PNKD: variants seen among roughly 807,000 people sequenced by gnomAD.
The protein encoded by PNKD is probable thioesterase PNKD.
A neutral mutation model predicts 45.3 loss-of-function variants in PNKD; 36 were observed. That is an observed-to-expected ratio of 0.80 (90% CI 0.61 to 1.05). The LOEUF (loss-of-function observed/expected upper bound fraction) is 1.05. Ranked by LOEUF, PNKD falls within the 50% of genes least tolerant of loss-of-function variation. The probability of loss-of-function intolerance (pLI) is 0.00; values close to 1 mark genes in which losing one functional copy is unlikely to be tolerated. For missense variants in PNKD, 511 were observed against 506.6 expected (o/e 1.01, Z -0.08); for synonymous variants, 197 against 210.1 (o/e 0.94, Z 0.54).
intron 2 of PNKD, among the ~76,000 whole-genome samples, chr2:218,296,205 T>A (rs909271313): frequency 6.6e-6 from 1 of 152,206 alleles, no homozygotes; most frequent in African/African-American, 2.4e-5. Context: ...TTGGAAATAC[T>A]TGTACTAAAA....
intron 2 of PNKD, among the ~76,000 whole-genome samples, chr2:218,319,771 G>C (rs2106271364): frequency 6.6e-6 from 1 of 152,366 alleles, no homozygotes; most frequent in East Asian, 1.9e-4. Context: ...CATCAAAAAT[G>C]TCCCCAGACA....
chr2:218,279,757 G>A (rs1399218990), intron 2 of PNKD, among the ~76,000 whole-genome samples: 1 of 152,206 alleles, frequency 6.6e-6, no homozygotes, highest in Non-Finnish European at 1.5e-5. Context: ...GTCTGGGGAA[G>A]GCGGGCGCTG....
chr2:218,272,600 C>T, intron 2 of PNKD: 2 of 1,614,200 alleles, frequency 1.2e-6, no homozygotes, highest in Non-Finnish European at 1.7e-6. Context: ...GTATCCTCCT[C>T]TTCATCCTCA....
chr2:218,306,653 G>A (rs578218763), intron 2 of PNKD, among the ~76,000 whole-genome samples: 1 of 152,266 alleles, frequency 6.6e-6, no homozygotes, highest in African/African-American at 2.4e-5. Context: ...TCCAAGTCTA[G>A]CACACAACCC....
intron 2 of PNKD, among the ~76,000 whole-genome samples, chr2:218,307,250 A>AG (rs1300151140): frequency 6.6e-6 from 1 of 151,990 alleles, no homozygotes; most frequent in Non-Finnish European, 1.5e-5. Flanking sequence ...CAATGGGGTT[A>AG]GGGGGGTTCG....
At chr2:218,284,301 G>A (rs1692321373) in intron 2 of PNKD, 1 of 152,288 alleles carries the variant, frequency 6.6e-6, no homozygotes, top group Admixed American at 6.5e-5. Flanking sequence ...CGACCTCTAA[G>A]CCCACTGCCC....
At chr2:218,271,592 T>A in intron 2 of PNKD, 43 bp downstream of exon 2, 1 of 1,563,306 alleles carries the variant, frequency 6.4e-7, no homozygotes, top group Non-Finnish European at 8.8e-7. Flanking sequence ...GGGCGTGGCT[T>A]GTAGGGGAGG....
At chr2:218,343,667 C>T (rs2106297473) in intron 8 of PNKD, 81 bp downstream of exon 8, 1 of 1,076,106 alleles carries the variant, frequency 9.3e-7, no homozygotes, top group Admixed American at 2.0e-5. Flanking sequence ...CCTCACTCCC[C>T]TAGAAAGCAG....
At chr2:218,309,057 T>C (rs1559518867) in intron 2 of PNKD, among the ~76,000 whole-genome samples, 1 of 151,014 alleles carries the variant, frequency 6.6e-6, no homozygotes, top group Non-Finnish European at 1.5e-5. Flanking sequence ...CTGGGCAACA[T>C]AGTGAGACCC....
intron 2 of PNKD, among the ~76,000 whole-genome samples, chr2:218,291,926 G>T (rs1400331641): frequency 6.6e-6 from 1 of 152,010 alleles, no homozygotes; most frequent in Non-Finnish European, 1.5e-5. Flanking sequence ...TTCTGCCCCA[G>T]CTGCAAGCTA....
chr2:218,315,542 T>TGG (rs1693788080), intron 2 of PNKD, among the ~76,000 whole-genome samples: 2 of 152,340 alleles, frequency 1.3e-5, no homozygotes, highest in South Asian at 2.1e-4. Flanking sequence ...ATGTATGCCT[T>TGG]TAAGGAATAA....
At chr2:218,271,303 A>G in intron 1 of PNKD, 78 bp from the exon 2 acceptor site, 1 of 1,218,530 alleles carries the variant, frequency 8.2e-7, no homozygotes, top group Non-Finnish European at 1.2e-6. Context: ...CGCTCCTCCC[A>G]AGCCCTTACT....
rs959536713 is a variant in PNKD, at chr2:218,301,804, C to A, written c.236+30255C>A. 5.9e-5 allele frequency among the ~76,000 whole-genome samples: 9 copies of A among 151,780 alleles called. No individual in the cohort carries two copies. In the South Asian group the frequency reaches 6.2e-4, roughly 11 times the overall value. On this transcript the variant is annotated intron_variant, in intron 2 of 9. Coordinates refer to ENST00000273077, the MANE Select transcript of PNKD (RefSeq NM_015488.5). The stretch of plus-strand genomic sequence containing the variant: ...TCTGTCTCAAACAAACAAACAAAAA[C>A]GGGAGAAAAGAAAGGGGCCAGGACT...
chr2:218,343,221 T>C (rs1347227196), intron 7 of PNKD, among the ~76,000 whole-genome samples: 4 of 152,228 alleles, frequency 2.6e-5, no homozygotes, highest in African/African-American at 7.2e-5. Context: ...GCCCTGCGTC[T>C]ACCAAGCCTG....
intron 2 of PNKD, chr2:218,334,610 C>T (rs1694435309): frequency 2.9e-6 from 2 of 678,370 alleles, no homozygotes; most frequent in Admixed American, 2.1e-5. Flanking sequence ...CTATGGATCA[C>T]ATCACCGCAC....
intron 2 of PNKD, among the ~76,000 whole-genome samples, chr2:218,325,634 A>G (rs1694129449): frequency 6.6e-6 from 1 of 152,196 alleles, no homozygotes; most frequent in Admixed American, 6.5e-5. Context: ...GGTCATACAA[A>G]TGGCCTGAGG....
intron 7 of PNKD, among the ~76,000 whole-genome samples, chr2:218,343,202 G>C (rs1401038494): frequency 1.3e-5 from 2 of 152,228 alleles, no homozygotes; most frequent in East Asian, 3.8e-4. Context: ...TGTTCCGTGG[G>C]AAAGAGCAGC....
At chr2:218,309,384 A>G (rs1693528151) in intron 2 of PNKD, among the ~76,000 whole-genome samples, 1 of 136,334 alleles carries the variant, frequency 7.3e-6, no homozygotes, top group African/African-American at 2.8e-5. Context: ...GTGTCACTGC[A>G]CTCCAGCCTG....
chr2:218,315,281 ACAGGCACGCGCCAC>A (rs1693779171), intron 2 of PNKD, among the ~76,000 whole-genome samples: 1 of 151,680 alleles, frequency 6.6e-6, no homozygotes, highest in Non-Finnish European at 1.5e-5. Context: ...AGCTGGGACT[ACAGGCACGCGCCAC>A]CACGCCCAGC....
Sources: gnomAD v4.1 joint callset for allele counts (sites outside exome capture counted in the v4.1 genomes callset) on GRCh38, gnomAD v4.1.1 for gene constraint, MANE v1.5 for transcripts, NCBI Gene and HGNC (gene_info 2026-07-23, HGNC 2026-07-21) for gene names.